Variants in PCDHGB1 observed in about 807,000 individuals in gnomAD.
PCDHGB1 encodes protocadherin gamma subfamily B, 1, also known as protocadherin gamma-B1.
Under a neutral mutation model 56.6 loss-of-function variants are expected in PCDHGB1, and 34 were observed. The observed-to-expected ratio is 0.60, with a 90% CI of 0.46 to 0.80. The LOEUF (loss-of-function observed/expected upper bound fraction) is 0.80. PCDHGB1 is among the 30% of genes least tolerant of loss of function. PCDHGB1 has a pLI of 0.00. For synonymous variants in PCDHGB1, 561 were observed against 505.9 expected (o/e 1.11, Z -1.46); for missense variants, 1,278 against 1,204.6 (o/e 1.06, Z -0.90).
chr5:141,365,014 C>T (rs1763677567), intron 1 of PCDHGB1: 1 of 1,613,924 alleles, frequency 6.2e-7, no homozygotes, highest in African/African-American at 1.3e-5. Flanking sequence ...CCACGCACAT[C>T]CGTGTTACGG....
rs1359390451 is a variant in PCDHGB1, at chr5:141,360,344, C to T, written c.2409+7675C>T. 1 of 1,613,798 alleles carries T rather than the reference C, an allele frequency of 6.2e-7. No homozygotes were observed. The highest frequency in any genetic ancestry group is 1.7e-5 in the Admixed American group (1 of 60,012). The stretch of plus-strand genomic sequence containing the variant: ...CCAGCCCGGAAGCTGCGGGTTAGCG[C>T]GGAGAAGGAATATTTCACAGTAAAC... On this transcript the variant is annotated intron_variant, in intron 1 of 3. Coordinates refer to ENST00000523390, the MANE Select transcript of PCDHGB1 (RefSeq NM_018922.3).
At position 141,393,580 on chromosome 5, in the gene PCDHGB1, C is replaced by A. The variant is rs756625630; in HGVS notation, c.2409+40911C>A. 5.6e-6 allele frequency: 9 copies of A among 1,613,758 alleles called. No individual in the cohort carries two copies. In the South Asian group the frequency reaches 9.9e-5, roughly 18 times the overall value. ...CGAGTGAAAGTCCTTGAGAACATGC[C>A]CCCAGGCACGCGGCTGCTTACTGTA... is the stretch of plus-strand genomic sequence containing the variant. On this transcript the variant is annotated intron_variant, in intron 1 of 3. Transcript: ENST00000523390.
rs771124496 is a variant in PCDHGB1, at chr5:141,489,457, C to T, written c.2410-5350C>T. The T allele has an allele frequency of 1.2e-5, 19 of 1,613,882 alleles. No homozygotes were observed. The highest frequency in any genetic ancestry group is 6.7e-5 in the African/African-American group (5 of 74,896). Reference sequence around the variant, plus strand: ...GCAATTGGGCTCTGAGGAGAATGGGCGCTATTTTTCCCTGAGCTTGATGAG... The same window carrying T: ...GCAATTGGGCTCTGAGGAGAATGGGTGCTATTTTTCCCTGAGCTTGATGAG... On this transcript the variant is annotated intron_variant, in intron 1 of 3. Coordinates refer to ENST00000523390, the MANE Select transcript of PCDHGB1 (RefSeq NM_018922.3). The surrounding 1 kb of genome is among the most constrained non-coding windows in gnomAD (Gnocchi z 4.5).
intron 1 of PCDHGB1, 63 bp from the exon 2 acceptor site, chr5:141,494,744 G>T: frequency 6.2e-7 from 1 of 1,612,702 alleles, no homozygotes; most frequent in South Asian, 1.1e-5. Flanking sequence ...CATCCCTAGG[G>T]GCTCGGGTGA....
At position 141,379,889 on chromosome 5, in the gene PCDHGB1, C is replaced by CTTT. The variant is rs70988800; in HGVS notation, c.2409+27248_2409+27250dup. On this transcript the variant is annotated intron_variant, in intron 1 of 3. Transcript: ENST00000523390. Reference sequence around the variant, plus strand: ...CTTATTTTATGGTCTGTGAAAGCCTCTTTTTTTTTTTTTTTTTTTTTTTTT... The same window carrying CTTT: ...CTTATTTTATGGTCTGTGAAAGCCTCTTTTTTTTTTTTTTTTTTTTTTTTTTTT... Among the ~76,000 whole-genome samples the CTTT allele has an allele frequency of 4.3e-3, 221 of 50,830 alleles. 36 individuals are homozygous for CTTT. The highest frequency in any genetic ancestry group is 5.4e-3 in the Non-Finnish European group (141 of 25,886). The allele number at this position is 50,830 out of a possible 152,430, so 33.3% of individuals were successfully genotyped here.
Position 141,477,535 on chromosome 5 carries a change from G to A in PCDHGB1, c.2410-17272G>A, listed in dbSNP as rs2099412713. ...ACATTGAAGAAAACAACCTCCCCGG[G>A]GCTCCAATACTAAACCTAAGTGTCT... On this transcript the variant is annotated intron_variant, in intron 1 of 3. Transcript: ENST00000523390. The surrounding 1 kb of genome is among the most constrained non-coding windows in gnomAD (Gnocchi z 4.9). 1.2e-6 allele frequency: 2 copies of A among 1,613,936 alleles called. No homozygotes were observed. The highest frequency in any genetic ancestry group is 2.7e-5 in the African/African-American group (2 of 74,866).
intron 1 of PCDHGB1, among the ~76,000 whole-genome samples, chr5:141,363,931 C>G (rs1415592577): frequency 6.6e-6 from 1 of 152,126 alleles, no homozygotes; most frequent in African/African-American, 2.4e-5. Flanking sequence ...GTATTGAGAT[C>G]TAATAATCAT....
rs775153988 is a variant in PCDHGB1 at position 141,485,268 on chromosome 5, G to A, written c.2410-9539G>A. On this transcript the variant is annotated intron_variant, in intron 1 of 3. Coordinates refer to ENST00000523390, the MANE Select transcript of PCDHGB1 (RefSeq NM_018922.3). This position sits in a 1 kb window ranked among gnomAD's most constrained non-coding sequence, Gnocchi z 5.7. ...CTGGGTTACGTTTGTGGGCAGATCC[G>A]CTACCCGGTCCCAGAGGAGTCACAG... 6.2e-7 allele frequency: 1 copy of A among 1,614,100 alleles called. No homozygotes were observed. Among genetic ancestry groups the A allele is most frequent in the Non-Finnish European group, 8.5e-7 (1 of 1,179,936 alleles).
chr5:141,458,509 CTTTGT>C (rs1181745590), intron 1 of PCDHGB1, among the ~76,000 whole-genome samples: 1 of 149,986 alleles, frequency 6.7e-6, no homozygotes, highest in Non-Finnish European at 1.5e-5. Context: ...CTGTTTGACA[CTTTGT>C]TTTTTTTTTT....
chr5:141,475,297 T>C lies in PCDHGB1; in HGVS notation c.2410-19510T>C, dbSNP rs187277570. Among the ~76,000 whole-genome samples the C allele has an allele frequency of 6.5e-4, 99 of 152,360 alleles. 2 individuals are homozygous for C. Among genetic ancestry groups the C allele is most frequent in the African/African-American group, 2.3e-3 (96 of 41,586 alleles). ...TGAAAGACAGGGTAGGGAAATTTCT[T>C]ATTGCTCCCTGGTTCTTAAGAAATG... On this transcript the variant is annotated intron_variant, in intron 1 of 3. Transcript: ENST00000523390.
chr5:141,428,204 C>G, intron 1 of PCDHGB1: 2 of 1,324,722 alleles, frequency 1.5e-6, no homozygotes, highest in Non-Finnish European at 1.1e-6. Context: ...TGCGCCGCTA[C>G]GCTTCACCTA....
chr5:141,390,101 CA>C (rs1212774339), intron 1 of PCDHGB1: 8 of 1,613,946 alleles, frequency 5.0e-6, no homozygotes, highest in Non-Finnish European at 6.8e-6. Flanking sequence ...TGGTTCCCCC[CA>C]ACTACAGCGA....
intron 1 of PCDHGB1, chr5:141,395,193 T>C (rs748986857): frequency 1.2e-6 from 2 of 1,614,024 alleles, no homozygotes; most frequent in South Asian, 1.1e-5. Flanking sequence ...TTTGTTAACA[T>C]CCGTAGATTT....
chr5:141,374,181 A>C (rs765792921), intron 1 of PCDHGB1: 2 of 1,613,530 alleles, frequency 1.2e-6, no homozygotes, highest in African/African-American at 2.7e-5. Flanking sequence ...CAGATCCGCT[A>C]CTCTATTCCC....
intron 1 of PCDHGB1, chr5:141,427,871 GA>G: frequency 6.4e-7 from 1 of 1,559,532 alleles, no homozygotes; most frequent in Non-Finnish European, 8.8e-7. Context: ...TCGAGCTCAC[GA>G]TGCAGGCCCA....
intron 1 of PCDHGB1, chr5:141,388,795 C>G (rs1204065309): frequency 6.2e-7 from 1 of 1,613,716 alleles, no homozygotes; most frequent in Non-Finnish European, 8.5e-7. Flanking sequence ...GTTTTAAATA[C>G]ATTAGATTTT....
intron 1 of PCDHGB1, chr5:141,415,797 C>G (rs940812419): frequency 3.9e-5 from 52 of 1,331,434 alleles, no homozygotes; most frequent in Non-Finnish European, 4.8e-5. Context: ...TTCACCTAGT[C>G]TCAATCAAGG....
intron 1 of PCDHGB1, among the ~76,000 whole-genome samples, chr5:141,472,242 A>T (rs1342571385): frequency 6.6e-6 from 1 of 152,186 alleles, no homozygotes; most frequent in East Asian, 1.9e-4. Flanking sequence ...TTCACTTTCT[A>T]TTTTAAAGTT....
At chr5:141,440,428 C>A (rs1001845529) in intron 1 of PCDHGB1, 1 of 152,132 alleles carries the variant, frequency 6.6e-6, no homozygotes, top group Non-Finnish European at 1.5e-5. Context: ...GCCTGGGTGA[C>A]AGAGCAAGGC....
Sources: gnomAD v4.1 joint callset for allele counts (sites outside exome capture counted in the v4.1 genomes callset) on GRCh38, gnomAD v4.1.1 for gene constraint, Gnocchi (gnomAD v3.1) non-coding constraint, MANE v1.5 for transcripts, NCBI Gene and HGNC (gene_info 2026-07-23, HGNC 2026-07-21) for gene names.